Variants in TENM1 observed in about 807,000 individuals in gnomAD.
TENM1 encodes the protein teneurin transmembrane protein 1.
In TENM1, 35 loss-of-function variants were observed where a neutral mutation model predicts 174.8. The observed-to-expected ratio is 0.20, with a 90% CI of 0.15 to 0.27. The LOEUF (loss-of-function observed/expected upper bound fraction) is 0.27, where lower values mean the gene tolerates loss of function less well. TENM1 is among the 10% of genes least tolerant of loss of function. TENM1 has a pLI of 1.00. For missense variants in TENM1, 1,633 were observed against 2,130.1 expected (o/e 0.77, Z 4.59); for synonymous variants, 781 against 798.7 (o/e 0.98, Z 0.37).
intron 3 of TENM1, among the ~76,000 whole-genome samples, chrX:124,820,085 C>T (rs1219276537): frequency 9.0e-6 from 1 of 110,994 alleles, no homozygotes; most frequent in Non-Finnish European, 1.9e-5. Flanking sequence ...TGAGCTGCCC[C>T]GCCTGGCTCT....
chrX:124,823,386 A>G (rs1379643979), intron 3 of TENM1, among the ~76,000 whole-genome samples: 7 of 111,992 alleles, frequency 6.3e-5, no homozygotes, highest in Non-Finnish European at 1.3e-4. Context: ...AAATTTGCAC[A>G]TGGGATCTTG....
At chrX:124,869,226 C>T (rs1009847902) in intron 3 of TENM1, among the ~76,000 whole-genome samples, 3 of 109,738 alleles carry the variant, frequency 2.7e-5, no homozygotes, top group Admixed American at 9.7e-5. Flanking sequence ...GAGCGAGACC[C>T]TGTTTCAAGG....
intron 3 of TENM1, among the ~76,000 whole-genome samples, chrX:124,793,362 G>A (rs1603205956): frequency 9.0e-6 from 1 of 111,384 alleles, no homozygotes; most frequent in South Asian, 3.7e-4. Flanking sequence ...CTGGAAGCAG[G>A]TATCTTAATA....
the TENM1 span, among the ~76,000 whole-genome samples, chrX:125,106,810 A>G: frequency 2.7e-5 from 3 of 112,374 alleles, no homozygotes; most frequent in African/African-American, 9.7e-5. Flanking sequence ...ATGTGATACA[A>G]AGTATCACTG....
chrX:124,470,641 A>C (rs1490593124), intron 22 of TENM1, among the ~76,000 whole-genome samples: 1 of 111,494 alleles, frequency 9.0e-6, no homozygotes, highest in African/African-American at 3.3e-5. Flanking sequence ...TTTTAAAAAA[A>C]ATAAATGTAA....
chrX:124,792,321 G>A (rs756209440), intron 3 of TENM1, among the ~76,000 whole-genome samples: 226 of 111,833 alleles, frequency 2.0e-3, no homozygotes, highest in African/African-American at 7.0e-3. Flanking sequence ...GGCATAGGTC[G>A]TTTTGTTTTT....
intron 11 of TENM1, among the ~76,000 whole-genome samples, chrX:124,566,834 T>C (rs1346627833): frequency 8.9e-6 from 1 of 111,882 alleles, no homozygotes; most frequent in East Asian, 2.8e-4. Flanking sequence ...GAAATAAAGA[T>C]AACTGCATCC....
At chrX:124,413,390 C>T (rs1247322063) in intron 25 of TENM1, among the ~76,000 whole-genome samples, 1 of 110,040 alleles carries the variant, frequency 9.1e-6, no homozygotes, top group East Asian at 2.8e-4. Flanking sequence ...GTAGATCTCA[C>T]TCCATGTACT....
At chrX:125,039,635 C>T in the TENM1 span, among the ~76,000 whole-genome samples, 1 of 111,315 alleles carries the variant, frequency 9.0e-6, no homozygotes, top group African/African-American at 3.3e-5. Context: ...CTGAAGATAA[C>T]TGGATGCTGT....
the TENM1 span, among the ~76,000 whole-genome samples, chrX:125,158,277 C>G: frequency 9.3e-6 from 1 of 107,941 alleles, no homozygotes; most frequent in South Asian, 4.3e-4. Flanking sequence ...GTGGTGCATG[C>G]CTGTAGTCCC....
the TENM1 span, among the ~76,000 whole-genome samples, chrX:125,176,979 T>C: frequency 8.9e-6 from 1 of 112,131 alleles, no homozygotes; most frequent in East Asian, 2.8e-4. Context: ...TCTTTTATTC[T>C]GTGTTCATAC....
At position 124,760,966 on chromosome X, in the gene TENM1, G is replaced by A. The variant is rs191971913; in HGVS notation, c.536-23769C>T. Among the ~76,000 whole-genome samples, 393 of 111,848 alleles carry A rather than the reference G, an allele frequency of 3.5e-3. 4 individuals carry two copies. Among genetic ancestry groups the A allele is most frequent in the African/African-American group, 0.01 (322 of 30,793 alleles). On this transcript the variant is annotated intron_variant, in intron 3 of 31. Transcript: ENST00000422452. The stretch of plus-strand genomic sequence containing the variant: ...AAAATGCTCGTCATCACTGGTCATC[G>A]GAGAAATGCAACTCAAAACCACAAT...
intron 23 of TENM1, 100 bp from the exon 27 acceptor site, chrX:124,422,738 C>T (rs1011457866): frequency 2.6e-5 from 23 of 875,502 alleles, no homozygotes; most frequent in Middle Eastern, 2.9e-4. Context: ...TTGTTTCCCC[C>T]GTCTTATGAA....
At chrX:124,926,956 C>T (rs2058100452) in intron 1 of TENM1, among the ~76,000 whole-genome samples, 1 of 112,223 alleles carries the variant, frequency 8.9e-6, no homozygotes, top group Non-Finnish European at 1.9e-5. Flanking sequence ...GTTAAAGGCA[C>T]TTGCAGTGCT....
chrX:125,185,064 T>C, the TENM1 span, among the ~76,000 whole-genome samples: 8 of 107,387 alleles, frequency 7.4e-5, no homozygotes, highest in East Asian at 2.3e-3. Flanking sequence ...TTATTGGACA[T>C]ATATAGATAG....
chrX:124,528,319 CA>C lies in TENM1; in HGVS notation c.2771+1544del, dbSNP rs773759099. On this transcript the variant is annotated intron_variant, in intron 16 of 31. Coordinates refer to ENST00000422452, the Ensembl canonical transcript of TENM1. ...ATGTTCCCTGTAAACTGTACACAAA[CA>C]TTTTTAGACTTTTTAGGTATCAAGA... Among the ~76,000 whole-genome samples, 41 of 111,481 alleles carry C rather than the reference CA, an allele frequency of 3.7e-4. 3 individuals carry two copies. In the South Asian group the frequency reaches 0.013, roughly 35 times the overall value.
intron 11 of TENM1, among the ~76,000 whole-genome samples, chrX:124,579,008 C>T (rs973804896): frequency 1.8e-5 from 2 of 112,091 alleles, no homozygotes; most frequent in African/African-American, 6.5e-5. Context: ...CAAAAATTAT[C>T]ATACTCTCTT....
intron 3 of TENM1, among the ~76,000 whole-genome samples, chrX:124,767,804 G>A (rs1330147534): frequency 2.7e-5 from 3 of 111,063 alleles, no homozygotes; most frequent in African/African-American, 3.3e-5. Context: ...TGGTGGTTTA[G>A]AGATATAGCC....
chrX:124,479,675 G>A (rs2046803403), intron 22 of TENM1, among the ~76,000 whole-genome samples: 1 of 111,507 alleles, frequency 9.0e-6, no homozygotes, highest in Admixed American at 9.5e-5. Context: ...CAGGTTGAAT[G>A]CAGTAGTTGA....
Sources: gnomAD v4.1 joint callset for allele counts (sites outside exome capture counted in the v4.1 genomes callset) on GRCh38, gnomAD v4.1.1 for gene constraint, MANE v1.5 for transcripts, NCBI Gene and HGNC (gene_info 2026-07-23, HGNC 2026-07-21) for gene names.